PSD3: variants seen among roughly 807,000 people sequenced by gnomAD.
PSD3 encodes the protein pleckstrin and Sec7 domain containing 3, also known as PH and SEC7 domain-containing protein 3.
PSD3 carries 49 observed loss-of-function variants against 105.5 expected under a neutral mutation model. The ratio of observed to expected loss-of-function variants is 0.46; its 90% CI spans 0.37 to 0.59. The LOEUF is 0.59. PSD3 is among the 20% of genes least tolerant of loss of function. The probability of loss-of-function intolerance (pLI) is 0.00; values close to 1 mark genes in which losing one functional copy is unlikely to be tolerated. For synonymous variants in PSD3, 557 were observed against 457.8 expected, an observed-to-expected ratio of 1.22 and a Z score of -2.77; for missense variants, 1,561 against 1,263.8, an observed-to-expected ratio of 1.24 and a Z score of -3.57.
intron 4 of PSD3, among the ~76,000 whole-genome samples, chr8:18,843,383 G>A (rs923412549): frequency 2.0e-5 from 3 of 151,210 alleles, no homozygotes; most frequent in African/African-American, 7.3e-5. Flanking sequence ...TGCAGCATGA[G>A]GAATTAGAAT....
chr8:18,903,045 G>A (rs981413219), intron 2 of PSD3, among the ~76,000 whole-genome samples: 1 of 152,124 alleles, frequency 6.6e-6, no homozygotes, highest in Non-Finnish European at 1.5e-5. Flanking sequence ...GCATCTTGGA[G>A]TGCGAACTTG....
chr8:18,985,626 G>C (rs1419255084), intron 1 of PSD3, among the ~76,000 whole-genome samples: 4 of 152,048 alleles, frequency 2.6e-5, no homozygotes, highest in Non-Finnish European at 5.9e-5. Flanking sequence ...GCCTAAACTT[G>C]AATAGAAATA....
At chr8:18,937,629 G>A (rs990922908) in intron 1 of PSD3, among the ~76,000 whole-genome samples, 14 of 152,222 alleles carry the variant, frequency 9.2e-5, no homozygotes, top group South Asian at 2.1e-4. Flanking sequence ...TGTTCATAAC[G>A]CGTCAAATGT....
chr8:18,785,294 T>A (rs1439875371), intron 8 of PSD3, among the ~76,000 whole-genome samples: 1 of 152,214 alleles, frequency 6.6e-6, no homozygotes. Context: ...ACCTAGACCT[T>A]CTGGATAGCT....
chr8:18,908,972 T>G (rs1820025372), intron 2 of PSD3, among the ~76,000 whole-genome samples: 1 of 152,216 alleles, frequency 6.6e-6, no homozygotes. Flanking sequence ...CATTTTCACT[T>G]TAAATAGAAA....
At chr8:18,714,637 C>T (rs921022531) in intron 9 of PSD3, among the ~76,000 whole-genome samples, 3 of 152,290 alleles carry the variant, frequency 2.0e-5, no homozygotes, top group Admixed American at 1.3e-4. Flanking sequence ...ACAACAGATG[C>T]TGGTGAGGCT....
chr8:18,569,179 G>T (rs1300086862), intron 14 of PSD3, among the ~76,000 whole-genome samples: 97 of 133,278 alleles, frequency 7.3e-4, no homozygotes, highest in Non-Finnish European at 1.2e-3. Context: ...GTGTGCATGT[G>T]TCTTTATAGC....
chr8:18,777,262 C>T lies in PSD3; in HGVS notation c.2083-11724G>A, dbSNP rs573930941. Among the ~76,000 whole-genome samples the T allele has an allele frequency of 4.6e-5, 7 of 152,212 alleles. No individual in the cohort carries two copies. In the East Asian group the frequency reaches 1.2e-3, roughly 25 times the overall value. ...TTCACCATGTTGGCCAGGATGGTCT[C>T]GATCTCCTGACCTCCTGATCCACCC... On this transcript the variant is annotated intron_variant, in intron 8 of 15. Coordinates refer to ENST00000327040, the MANE Select transcript of PSD3 (RefSeq NM_015310.4).
intron 4 of PSD3, among the ~76,000 whole-genome samples, chr8:18,862,745 C>T (rs1475285344): frequency 6.6e-6 from 1 of 151,932 alleles, no homozygotes; most frequent in Non-Finnish European, 1.5e-5. Context: ...TTTCAAATCG[C>T]ACTTCAACAA....
Position 18,955,756 on chromosome 8 carries a change from T to TTTTATTTATTTATTTA in PSD3, c.22-19630_22-19615dup, listed in dbSNP as rs150325859. Among the ~76,000 whole-genome samples the TTTTATTTATTTATTTA allele has an allele frequency of 4.3e-3, 649 of 149,736 alleles. 5 individuals carry two copies. The highest frequency in any genetic ancestry group is 0.015 in the African/African-American group (620 of 40,742). On this transcript the variant is annotated intron_variant, in intron 1 of 15. Transcript: ENST00000327040. ...AAGCCAAATCATCGTTCTTAGCATATTTTATTTATTTATTTATTTATTTTA... is the reference window on the plus strand; with the variant it reads ...AAGCCAAATCATCGTTCTTAGCATATTTTATTTATTTATTTATTTATTTATTTATTTATTTATTTTA...
At chr8:18,940,306 A>G (rs1033288137) in intron 1 of PSD3, 4 of 152,186 alleles carry the variant, frequency 2.6e-5, no homozygotes, top group Admixed American at 1.3e-4. Context: ...TAAAACAGAA[A>G]CTGAGCAGGT....
chr8:18,768,022 G>A (rs1807169959), intron 8 of PSD3, among the ~76,000 whole-genome samples: 1 of 147,856 alleles, frequency 6.8e-6, no homozygotes, highest in Non-Finnish European at 1.5e-5. Context: ...TATAATCCCA[G>A]CACTTTGGGA....
At chr8:18,962,582 T>C (rs1823990976) in intron 1 of PSD3, among the ~76,000 whole-genome samples, 1 of 152,180 alleles carries the variant, frequency 6.6e-6, no homozygotes, top group South Asian at 2.1e-4. Context: ...CAGTGTTAGG[T>C]TGAGAATGGG....
chr8:19,060,338 G>C (rs1012924989), intron 1 of PSD3, among the ~76,000 whole-genome samples: 1 of 152,064 alleles, frequency 6.6e-6, no homozygotes, highest in Non-Finnish European at 1.5e-5. Flanking sequence ...CAATATATAG[G>C]TATCTACAGT....
At chr8:18,981,252 A>T (rs1206323921) in intron 1 of PSD3, among the ~76,000 whole-genome samples, 4 of 152,196 alleles carry the variant, frequency 2.6e-5, no homozygotes, top group Non-Finnish European at 4.4e-5. Flanking sequence ...GTTTCAAGAC[A>T]TGTAAAAATC....
At position 18,872,108 on chromosome 8, in the gene PSD3, G is replaced by A. The variant is rs777867190; in HGVS notation, c.756C>T (p.Ser252=). ...CVQEPSCPLA[S]LGSSAVTCHS... ...GGCAGGTCACTGCTGAGCTCCCGAG[G>A]GAGGCCAAAGGACAAGATGGCTCCT... is the stretch of plus-strand genomic sequence containing the variant. Residue 252 remains serine, a synonymous_variant, in exon 3 of 16, where the codon TCC becomes TCT. Coordinates refer to ENST00000327040, the MANE Select transcript of PSD3 (RefSeq NM_015310.4). 1.2e-6 allele frequency: 2 copies of A among 1,614,054 alleles called. No individual in the cohort carries two copies. Among genetic ancestry groups the A allele is most frequent in the Non-Finnish European group, 1.7e-6 (2 of 1,179,992 alleles).
At chr8:18,805,030 T>G in intron 4 of PSD3, 132 bp from the exon 5 acceptor site, 1 of 802,374 alleles carries the variant, frequency 1.2e-6, no homozygotes. Flanking sequence ...GTTTAAATAT[T>G]CATAAAAATT....
At chr8:18,542,608 T>G (rs933056204) in intron 15 of PSD3, among the ~76,000 whole-genome samples, 1 of 152,194 alleles carries the variant, frequency 6.6e-6, no homozygotes, top group South Asian at 2.1e-4. Context: ...TAGTTCCAGA[T>G]AGGGCACATT....
At chr8:18,748,014 G>A (rs1029810011) in intron 9 of PSD3, among the ~76,000 whole-genome samples, 4 of 152,044 alleles carry the variant, frequency 2.6e-5, no homozygotes, top group Non-Finnish European at 5.9e-5. Flanking sequence ...GGCAAAATAT[G>A]AGTCACCAAA....
Sources: allele counts gnomAD v4.1 joint callset (sites outside exome capture counted in the v4.1 genomes callset), GRCh38; gene constraint gnomAD v4.1.1; transcripts MANE v1.5; gene names NCBI Gene and HGNC (gene_info 2026-07-23, HGNC 2026-07-21).